The following GRID2 variants were observed in gnomAD, a reference collection of about 807,000 sequenced individuals.
The protein encoded by GRID2 is glutamate ionotropic receptor delta type subunit 2.
GRID2 carries 33 observed loss-of-function variants against 114.8 expected under a neutral mutation model. The ratio of observed to expected loss-of-function variants is 0.29; its 90% CI spans 0.22 to 0.38. GRID2 has a LOEUF of 0.38. Among genes scored for constraint, GRID2 ranks in the 10% least tolerant of loss-of-function variants. GRID2 has a pLI of 1.00. For synonymous variants in GRID2, 505 were observed against 449.9 expected (o/e 1.12, Z -1.55); for missense variants, 1,184 against 1,257.7 (o/e 0.94, Z 0.89).
At chr4:93,668,468 AT>A (rs777091967) in intron 14 of GRID2, among the ~76,000 whole-genome samples, 9 of 152,038 alleles carry the variant, frequency 5.9e-5, no homozygotes, top group Admixed American at 1.3e-4. Flanking sequence ...GCTATTTCAA[AT>A]GCAATTTATT....
At chr4:92,974,371 T>G (rs985384841) in intron 2 of GRID2, among the ~76,000 whole-genome samples, 2 of 152,234 alleles carry the variant, frequency 1.3e-5, no homozygotes, top group South Asian at 4.1e-4. Context: ...CATTCTACGA[T>G]AAAGACACAT....
At chr4:92,640,415 C>A (rs1454887643) in intron 2 of GRID2, among the ~76,000 whole-genome samples, 1 of 151,680 alleles carries the variant, frequency 6.6e-6, no homozygotes, top group African/African-American at 2.4e-5. Context: ...TTCCACTGAG[C>A]AAACTATTAA....
intron 11 of GRID2, among the ~76,000 whole-genome samples, chr4:93,460,795 A>T (rs1035154921): frequency 4.0e-4 from 61 of 152,282 alleles, no homozygotes; most frequent in African/African-American, 1.4e-3. Flanking sequence ...AGTCTCAAAT[A>T]AAACACTAAA....
At chr4:93,722,250 T>C (rs978536408) in intron 14 of GRID2, among the ~76,000 whole-genome samples, 8 of 152,110 alleles carry the variant, frequency 5.3e-5, no homozygotes, top group Non-Finnish European at 7.4e-5. Flanking sequence ...GTACTAGTTA[T>C]TTATTTACTA....
At chr4:92,460,099 A>G (rs1361298387) in intron 1 of GRID2, among the ~76,000 whole-genome samples, 2 of 126,814 alleles carry the variant, frequency 1.6e-5, no homozygotes, top group Admixed American at 8.7e-5. Flanking sequence ...ACTCTGACTA[A>G]TATATGCTTC....
chr4:92,552,255 AAAG>A (rs757784156), intron 1 of GRID2, among the ~76,000 whole-genome samples: 10 of 152,094 alleles, frequency 6.6e-5, no homozygotes, highest in Non-Finnish European at 1.3e-4. Flanking sequence ...AAAAAAAAAA[AAAG>A]TAGTAATATC....
chr4:92,762,038 C>T (rs1738036510), intron 2 of GRID2, among the ~76,000 whole-genome samples: 1 of 152,020 alleles, frequency 6.6e-6, no homozygotes, highest in Admixed American at 6.6e-5. Flanking sequence ...AAGTGATTCT[C>T]CTGCCTCAGC....
At chr4:93,330,538 T>C (rs907025891) in intron 8 of GRID2, among the ~76,000 whole-genome samples, 1 of 152,166 alleles carries the variant, frequency 6.6e-6, no homozygotes, top group Non-Finnish European at 1.5e-5. Context: ...CACATATTAA[T>C]TTTTAAAGTA....
chr4:92,958,020 A>G (rs556404386), intron 2 of GRID2, among the ~76,000 whole-genome samples: 1 of 152,066 alleles, frequency 6.6e-6, no homozygotes, highest in Non-Finnish European at 1.5e-5. Context: ...ACACTGCTAT[A>G]ATCACTTGTT....
At chr4:93,269,583 C>A (rs1344336924) in intron 8 of GRID2, among the ~76,000 whole-genome samples, 1 of 152,144 alleles carries the variant, frequency 6.6e-6, no homozygotes, top group Non-Finnish European at 1.5e-5. Context: ...AGTGTTATTT[C>A]CTGGAACTAA....
At chr4:92,566,388 G>A (rs1366758486) in intron 1 of GRID2, among the ~76,000 whole-genome samples, 1 of 151,592 alleles carries the variant, frequency 6.6e-6, no homozygotes, top group Admixed American at 6.6e-5. Context: ...TGCCAACAAC[G>A]AAAAAGGGGG....
At chr4:92,830,798 C>T (rs2149398511) in intron 2 of GRID2, among the ~76,000 whole-genome samples, 1 of 152,270 alleles carries the variant, frequency 6.6e-6, no homozygotes, top group South Asian at 2.1e-4. Context: ...CCTAGGTCTA[C>T]AGTCTTCATC....
At chr4:92,367,993 T>G (rs1169953101) in intron 1 of GRID2, among the ~76,000 whole-genome samples, 1 of 152,060 alleles carries the variant, frequency 6.6e-6, no homozygotes, top group East Asian at 1.9e-4. Flanking sequence ...AATCACATGT[T>G]GTGAGCTCAA....
At chr4:92,632,025 G>A (rs62307959) in intron 2 of GRID2, among the ~76,000 whole-genome samples, 8,473 of 152,116 alleles carry the variant, frequency 0.056, 303 homozygotes, top group East Asian at 0.16. Context: ...ATAATAATTA[G>A]AAATAATGAA....
At chr4:93,094,023 T>C (rs1730997468) in intron 3 of GRID2, among the ~76,000 whole-genome samples, 1 of 152,092 alleles carries the variant, frequency 6.6e-6, no homozygotes, top group African/African-American at 2.4e-5. Flanking sequence ...TTTCACTTTT[T>C]ATTTTTTTAA....
At chr4:92,808,910 C>T (rs1234839535) in intron 2 of GRID2, among the ~76,000 whole-genome samples, 1 of 151,464 alleles carries the variant, frequency 6.6e-6, no homozygotes, top group Non-Finnish European at 1.5e-5. Context: ...AGAAATAAGA[C>T]AGTCACTCAA....
At chr4:92,407,220 C>T (rs968708768) in intron 1 of GRID2, among the ~76,000 whole-genome samples, 1 of 152,068 alleles carries the variant, frequency 6.6e-6, no homozygotes, top group Non-Finnish European at 1.5e-5. Context: ...TTCCTCAACA[C>T]CTGGGGATTA....
chr4:92,944,520 C>A (rs539154227), intron 2 of GRID2, among the ~76,000 whole-genome samples: 1 of 152,334 alleles, frequency 6.6e-6, no homozygotes, highest in East Asian at 1.9e-4. Flanking sequence ...CCTTACACTT[C>A]CCGGTTGAGG....
At chr4:93,694,343 A>T (rs1726826522) in intron 14 of GRID2, among the ~76,000 whole-genome samples, 1 of 152,076 alleles carries the variant, frequency 6.6e-6, no homozygotes, top group African/African-American at 2.4e-5. Flanking sequence ...TGTTATTATC[A>T]AGGTCTCATT....
Sources: gnomAD v4.1 joint callset for allele counts (sites outside exome capture counted in the v4.1 genomes callset) on GRCh38, gnomAD v4.1.1 for gene constraint, MANE v1.5 for transcripts, NCBI Gene and HGNC (gene_info 2026-07-23, HGNC 2026-07-21) for gene names.